Variants in NR3C2 observed in about 807,000 individuals in gnomAD.
The protein encoded by NR3C2 is nuclear receptor subfamily 3 group C member 2, also known as mineralocorticoid receptor.
NR3C2 carries 15 observed loss-of-function variants against 86.4 expected under a neutral mutation model. The observed-to-expected ratio is 0.17, with a 90% CI of 0.12 to 0.27. NR3C2 has a LOEUF of 0.27. Ranked by LOEUF, NR3C2 falls within the 10% of genes least tolerant of loss-of-function variation. The probability of loss-of-function intolerance (pLI) is 1.00; values close to 1 mark genes in which losing one functional copy is unlikely to be tolerated. For missense variants in NR3C2, 960 were observed against 1,195.6 expected (o/e 0.80, Z 2.91); for synonymous variants, 458 against 450.5 (o/e 1.02, Z -0.21).
intron 2 of NR3C2, among the ~76,000 whole-genome samples, chr4:148,268,911 A>G (rs913548750): frequency 7.7e-6 from 1 of 130,436 alleles, no homozygotes; most frequent in African/African-American, 2.7e-5. Flanking sequence ...AATATGCACA[A>G]TAGAGACAAT....
intron 2 of NR3C2, among the ~76,000 whole-genome samples, chr4:148,391,866 CAAA>C (rs11384324): frequency 6.3e-5 from 7 of 111,684 alleles, no homozygotes; most frequent in African/African-American, 7.1e-5. Flanking sequence ...GACTCCATTG[CAAA>C]AAAAAAAAAA....
intron 2 of NR3C2, among the ~76,000 whole-genome samples, chr4:148,280,792 C>T (rs951312885): frequency 6.6e-6 from 1 of 152,182 alleles, no homozygotes; most frequent in African/African-American, 2.4e-5. Flanking sequence ...AAGTGTGCAC[C>T]ACTGCACCTA....
intron 4 of NR3C2, among the ~76,000 whole-genome samples, chr4:148,179,684 C>T (rs900246096): frequency 3.3e-5 from 5 of 151,456 alleles, no homozygotes; most frequent in African/African-American, 1.2e-4. Flanking sequence ...ATATTGAGCG[C>T]AAATTATAAT....
chr4:148,091,180 C>T (rs904979060), intron 8 of NR3C2, among the ~76,000 whole-genome samples: 2 of 152,260 alleles, frequency 1.3e-5, no homozygotes, highest in African/African-American at 4.8e-5. Context: ...AATCCTGAGC[C>T]ATGACTGCAG....
At chr4:148,162,727 G>C (rs1469382629) in intron 4 of NR3C2, among the ~76,000 whole-genome samples, 2 of 152,190 alleles carry the variant, frequency 1.3e-5, no homozygotes, top group Non-Finnish European at 2.9e-5. Flanking sequence ...GCATCTCTTA[G>C]GAAGAGCTGC....
intron 2 of NR3C2, among the ~76,000 whole-genome samples, chr4:148,358,942 T>C (rs903181694): frequency 7.0e-6 from 1 of 142,396 alleles, no homozygotes; most frequent in Non-Finnish European, 1.5e-5. Context: ...TCACATAAAA[T>C]AAGCTAAACC....
chr4:148,138,546 G>C (rs1189543886), intron 6 of NR3C2, among the ~76,000 whole-genome samples: 1 of 151,954 alleles, frequency 6.6e-6, no homozygotes, highest in African/African-American at 2.4e-5. Flanking sequence ...ACCACACCTG[G>C]CTAATTTTTG....
At chr4:148,273,641 A>C (rs747717967) in intron 2 of NR3C2, among the ~76,000 whole-genome samples, 1 of 152,184 alleles carries the variant, frequency 6.6e-6, no homozygotes, top group African/African-American at 2.4e-5. Flanking sequence ...GTGTATCACA[A>C]GGACAGGAGG....
chr4:148,171,319 G>A (rs946349203), intron 4 of NR3C2, among the ~76,000 whole-genome samples: 1 of 152,216 alleles, frequency 6.6e-6, no homozygotes, highest in African/African-American at 2.4e-5. Flanking sequence ...GGAATTTCCA[G>A]GTATGAGCTC....
intron 2 of NR3C2, among the ~76,000 whole-genome samples, chr4:148,274,203 C>T (rs1040832169): frequency 5.9e-5 from 9 of 152,064 alleles, no homozygotes; most frequent in Non-Finnish European, 8.8e-5. Context: ...AAGTGTTTTA[C>T]GGGATCTCCC....
intron 2 of NR3C2, among the ~76,000 whole-genome samples, chr4:148,360,392 C>G (rs1019598381): frequency 6.6e-6 from 1 of 152,170 alleles, no homozygotes; most frequent in African/African-American, 2.4e-5. Flanking sequence ...AGTCCAAGAT[C>G]TATACACTGT....
chr4:148,219,562 A>G (rs922656832), intron 3 of NR3C2, among the ~76,000 whole-genome samples: 2 of 152,170 alleles, frequency 1.3e-5, no homozygotes, highest in African/African-American at 2.4e-5. Context: ...TGAGTATACA[A>G]TAGAGTTTTC....
rs139294819 is a variant in NR3C2, at chr4:148,185,645, T to C, written c.2014+9101A>G. On this transcript the variant is annotated intron_variant, in intron 4 of 8. Transcript: ENST00000358102. The stretch of plus-strand genomic sequence containing the variant: ...CTTCTAGCTACCCAAGTCCTCTCTG[T>C]AGAGATGACCACCACTACTAGCATC... Among the ~76,000 whole-genome samples the C allele has an allele frequency of 4.7e-3, 709 of 152,320 alleles. 13 individuals are homozygous for C. Among genetic ancestry groups the C allele is most frequent in the African/African-American group, 0.016 (683 of 41,570 alleles).
At chr4:148,359,982 G>C (rs965698313) in intron 2 of NR3C2, among the ~76,000 whole-genome samples, 1 of 152,084 alleles carries the variant, frequency 6.6e-6, no homozygotes, top group African/African-American at 2.4e-5. Flanking sequence ...GAGCAACCCC[G>C]GGGTTTGCTT....
chr4:148,237,799 C>T (rs1283411428), intron 3 of NR3C2, among the ~76,000 whole-genome samples: 4 of 151,142 alleles, frequency 2.6e-5, no homozygotes, highest in East Asian at 1.9e-4. Flanking sequence ...TTCTCAGAAA[C>T]GAGAAATATA....
At chr4:148,412,602 C>T (rs191873930) in intron 2 of NR3C2, among the ~76,000 whole-genome samples, 190 of 152,196 alleles carry the variant, frequency 1.2e-3, no homozygotes, top group African/African-American at 4.4e-3. Context: ...TTATTAGGAA[C>T]AAAAATTAGC....
At chr4:148,444,248 C>T, upstream of NR3C2, 4 of 985,374 alleles carry the variant, frequency 4.1e-6, no homozygotes, top group Non-Finnish European at 4.8e-6. Context: ...AAGTTTTTAT[C>T]TCCTTTGAGG....
At chr4:148,338,907 A>G (rs1744621177) in intron 2 of NR3C2, among the ~76,000 whole-genome samples, 1 of 152,212 alleles carries the variant, frequency 6.6e-6, no homozygotes, top group East Asian at 1.9e-4. Context: ...CTACAAAATA[A>G]GTGTTTCCAA....
intron 2 of NR3C2, among the ~76,000 whole-genome samples, chr4:148,338,855 C>G (rs549682817): frequency 9.5e-4 from 144 of 152,252 alleles, no homozygotes; most frequent in African/African-American, 3.3e-3. Context: ...CCAAACAAAA[C>G]ACATCTCAGG....
Sources: allele counts gnomAD v4.1 joint callset (sites outside exome capture counted in the v4.1 genomes callset), GRCh38; gene constraint gnomAD v4.1.1; transcripts MANE v1.5; gene names NCBI Gene and HGNC (gene_info 2026-07-23, HGNC 2026-07-21).